RREB1: variants seen among roughly 807,000 people sequenced by gnomAD.
RREB1 encodes ras-responsive element-binding protein 1.
Under a neutral mutation model 117.8 loss-of-function variants are expected in RREB1, and 27 were observed. The observed-to-expected ratio is 0.23, with a 90% CI of 0.17 to 0.32. RREB1 has a LOEUF of 0.32. RREB1 is among the 10% of genes least tolerant of loss of function. The pLI is 1.00. For missense variants in RREB1, 2,577 were observed against 2,378.2 expected, an observed-to-expected ratio of 1.08 and a Z score of -1.74; for synonymous variants, 1,298 against 1,026.7, an observed-to-expected ratio of 1.26 and a Z score of -5.05.
intron 9 of RREB1, among the ~76,000 whole-genome samples, chr6:7,228,746 G>T (rs1767735070): frequency 6.6e-6 from 1 of 151,830 alleles, no homozygotes; most frequent in African/African-American, 2.4e-5. Context: ...GGCCTCAAGT[G>T]ATCCTCCCGC....
At chr6:7,206,009 G>A (rs1766251803) in intron 6 of RREB1, among the ~76,000 whole-genome samples, 1 of 152,202 alleles carries the variant, frequency 6.6e-6, no homozygotes, top group Non-Finnish European at 1.5e-5. Context: ...CTCTTTGGGT[G>A]TTATGAATAG....
chr6:7,183,152 G>T (rs1764893414), intron 4 of RREB1: 1 of 152,198 alleles, frequency 6.6e-6, no homozygotes, highest in Admixed American at 6.5e-5. Flanking sequence ...GAAGGATGGG[G>T]ACTTGGCAGA....
In RREB1 at chr6:7,231,024, C is replaced by G. The variant is rs752446594; in HGVS notation, c.2925C>G (p.Pro975=). 18 of 1,613,966 alleles carry G rather than the reference C, an allele frequency of 1.1e-5. No homozygotes were observed. The highest frequency in any genetic ancestry group is 1.5e-5 in the Non-Finnish European group (18 of 1,180,038). The change falls in exon 10 of 13, where the codon CCC becomes CCG. Residue 975 remains proline, a synonymous_variant. Coordinates refer to ENST00000379938, the MANE Select transcript of RREB1 (RefSeq NM_001003699.4). ...AGCAGCCCTCTCCCTGCCCAGCACCCGGCCCTTCTCTTCCTGTAACTTTGG... is the reference window on the plus strand; with the variant it reads ...AGCAGCCCTCTCCCTGCCCAGCACCGGGCCCTTCTCTTCCTGTAACTTTGG... The part of the protein sequence containing the change: ...SSEQPSPCPA[P]GPSLPVTLGP...
In RREB1 at chr6:7,249,221, A is replaced by C; in HGVS notation, c.*253A>C. On this transcript the variant is annotated 3_prime_UTR_variant, in exon 13 of 13. Coordinates refer to ENST00000379938, the MANE Select transcript of RREB1 (RefSeq NM_001003699.4). ...ACTTACCGGATCCCTCCATATTATC[A>C]TGGGTGTTGTATTTTTCCAAAATGA... The C allele has an allele frequency of 2.2e-6, 1 of 451,342 alleles. No homozygotes were observed. Among genetic ancestry groups the C allele is most frequent in the East Asian group, 3.3e-5 (1 of 29,968 alleles). The allele number at this position is 451,342 out of a possible 1,614,324, so 28.0% of individuals were successfully genotyped here.
At chr6:7,114,520 C>A (rs956328277) in intron 1 of RREB1, among the ~76,000 whole-genome samples, 1 of 151,976 alleles carries the variant, frequency 6.6e-6, no homozygotes, top group South Asian at 2.1e-4. Context: ...TGCATAGACC[C>A]CAAAGATGCT....
chr6:7,229,563 C>G lies in RREB1; in HGVS notation c.1464C>G (p.Pro488=). ...ASAPPQISLP[P]FSKAPAAPLQ... ...CTCCCCCTCAGATCAGTCTTCCGCC[C>G]TTCTCCAAGGCCCCTGCCGCCCCAC... Residue 488 remains proline (P), a synonymous_variant, in exon 10 of 13, where the codon CCC becomes CCG. Transcript: ENST00000379938. This position sits in a 1 kb window ranked among gnomAD's most constrained non-coding sequence, Gnocchi z 4.5. 5.0e-6 allele frequency: 8 copies of G among 1,613,108 alleles called. No individual in the cohort carries two copies. Among genetic ancestry groups the G allele is most frequent in the Non-Finnish European group, 6.8e-6 (8 of 1,179,316 alleles).
chr6:7,223,610 A>G (rs1411709764), intron 8 of RREB1, among the ~76,000 whole-genome samples: 1 of 151,540 alleles, frequency 6.6e-6, no homozygotes, highest in African/African-American at 2.4e-5. Context: ...CTAGGATACA[A>G]GGAAAAAAAT....
chr6:7,186,586 G>C (rs1765093373), intron 4 of RREB1, among the ~76,000 whole-genome samples: 1 of 152,176 alleles, frequency 6.6e-6, no homozygotes, highest in African/African-American at 2.4e-5. Flanking sequence ...AGGGACTGTG[G>C]GGGTGAGGAG....
At chr6:7,142,494 CTGTT>C (rs992291223) in intron 1 of RREB1, among the ~76,000 whole-genome samples, 15 of 152,368 alleles carry the variant, frequency 9.8e-5, no homozygotes, top group African/African-American at 3.1e-4. Flanking sequence ...CAGCAGGTCA[CTGTT>C]TGGTAACCAT....
chr6:7,181,236 A>T lies in RREB1; in HGVS notation c.-53A>T. 2.5e-6 allele frequency: 1 copy of T among 398,990 alleles called. No homozygotes were observed. Among genetic ancestry groups the T allele is most frequent in the Non-Finnish European group, 4.4e-6 (1 of 226,352 alleles). The allele number at this position is 398,990 out of a possible 1,614,324, so 24.7% of individuals were successfully genotyped here. On this transcript the variant is annotated 5_prime_UTR_variant, in exon 3 of 13. The change creates a premature stop within an existing upstream ORF in the 5' untranslated region. Transcript: ENST00000379938. ...AAGTTTCATAGTCTATCAGTGGGTC[A>T]GAAAATGGAGGTAATCAGCAGTGTG...
chr6:7,247,845 G>C (rs1465946058), intron 12 of RREB1, among the ~76,000 whole-genome samples: 1 of 152,242 alleles, frequency 6.6e-6, no homozygotes, highest in East Asian at 1.9e-4. Context: ...ATGGAGTCCA[G>C]AGATATATCC....
At chr6:7,110,864 C>T (rs917168086) in intron 1 of RREB1, among the ~76,000 whole-genome samples, 1 of 152,106 alleles carries the variant, frequency 6.6e-6, no homozygotes, top group Admixed American at 6.5e-5. Flanking sequence ...GAATATCATT[C>T]TCTGGGTTTT....
chr6:7,133,685 A>T (rs1171683438), intron 1 of RREB1, among the ~76,000 whole-genome samples: 1 of 152,238 alleles, frequency 6.6e-6, no homozygotes, highest in Non-Finnish European at 1.5e-5. Context: ...TTATTTTTTC[A>T]TCAGAATTTT....
intron 11 of RREB1, among the ~76,000 whole-genome samples, chr6:7,243,022 C>T (rs1268137073): frequency 6.6e-6 from 1 of 152,198 alleles, no homozygotes; most frequent in Admixed American, 6.5e-5. Flanking sequence ...TGTTTGTAGG[C>T]ACCTACATAG....
chr6:7,117,388 GTTTTTTTTTTTTTTTTTTTTTTT>G (rs70978941), intron 1 of RREB1, among the ~76,000 whole-genome samples: 6 of 63,294 alleles, frequency 9.5e-5, no homozygotes, highest in South Asian at 1.5e-3. Flanking sequence ...TAGGTTTCCT[GTTTTTTTTTTTTTTTTTTTTTTT>G]TTTTTTTTTT....
At chr6:7,223,770 T>C (rs1767423916) in intron 8 of RREB1, among the ~76,000 whole-genome samples, 1 of 152,092 alleles carries the variant, frequency 6.6e-6, no homozygotes, top group Non-Finnish European at 1.5e-5. Flanking sequence ...GTGGAGCACA[T>C]ACGAAAACTT....
chr6:7,119,812 C>T (rs1394277778), intron 1 of RREB1, among the ~76,000 whole-genome samples: 1 of 152,186 alleles, frequency 6.6e-6, no homozygotes, highest in African/African-American at 2.4e-5. Flanking sequence ...AACTGTTTGC[C>T]TTCTGTTTGG....
In RREB1 at chr6:7,147,267, G is replaced by A. The variant is rs538932381; in HGVS notation, c.-284-29388G>A. Among the ~76,000 whole-genome samples, 9 of 152,328 alleles carry A rather than the reference G, an allele frequency of 5.9e-5. No individual in the cohort carries two copies. The East Asian group carries it at 1.2e-3, about 20-fold the overall frequency. On this transcript the variant is annotated intron_variant, in intron 1 of 12. Coordinates refer to ENST00000379938, the MANE Select transcript of RREB1 (RefSeq NM_001003699.4). ...TGAAGCAGAGAGGAATCAGTAATAGGAAAGAAATGTAGTTGTTTTTTTCCC... is the reference window on the plus strand; with the variant it reads ...TGAAGCAGAGAGGAATCAGTAATAGAAAAGAAATGTAGTTGTTTTTTTCCC...
At chr6:7,109,030 G>T (rs1015839730) in intron 1 of RREB1, among the ~76,000 whole-genome samples, 6 of 151,842 alleles carry the variant, frequency 4.0e-5, no homozygotes, top group African/African-American at 1.2e-4. Flanking sequence ...CGGGCGGGGG[G>T]GGTGGGGGGC....
Sources: allele counts gnomAD v4.1 joint callset (sites outside exome capture counted in the v4.1 genomes callset), GRCh38; gene constraint gnomAD v4.1.1; non-coding constraint Gnocchi (gnomAD v3.1); transcripts MANE v1.5; gene names NCBI Gene and HGNC (gene_info 2026-07-23, HGNC 2026-07-21).